The following TTBK2 variants were observed in gnomAD, a reference collection of about 807,000 sequenced individuals.
TTBK2 encodes the protein tau tubulin kinase 2, also known as tau-tubulin kinase 2.
Under a neutral mutation model 110.8 loss-of-function variants are expected in TTBK2, and 28 were observed. The ratio of observed to expected loss-of-function variants is 0.25; its 90% CI spans 0.19 to 0.35. The LOEUF (loss-of-function observed/expected upper bound fraction) is 0.35, where lower values mean the gene tolerates loss of function less well. Ranked by LOEUF, TTBK2 falls within the 10% of genes least tolerant of loss-of-function variation. The probability of loss-of-function intolerance (pLI) is 1.00; values close to 1 mark genes in which losing one functional copy is unlikely to be tolerated. For missense variants in TTBK2, 1,369 were observed against 1,500.3 expected (o/e 0.91, Z 1.45); for synonymous variants, 532 against 527.3 (o/e 1.01, Z -0.12).
intron 9 of TTBK2, chr15:42,800,927 TGCGGCA>T (rs757494340): frequency 5.6e-6 from 4 of 709,426 alleles, no homozygotes; most frequent in Non-Finnish European, 1.0e-5. Flanking sequence ...TCCTAGGCTC[TGCGGCA>T]GCCGCAGGAG....
At chr15:42,810,798 A>G in intron 8 of TTBK2, 59 bp from the exon 9 acceptor site, 1 of 1,600,970 alleles carries the variant, frequency 6.2e-7, no homozygotes, top group African/African-American at 1.3e-5. Context: ...AGGCATTAAG[A>G]GCCCCTCAGT....
At chr15:42,780,574 A>G (rs1204377644) in intron 11 of TTBK2, among the ~76,000 whole-genome samples, 1 of 152,152 alleles carries the variant, frequency 6.6e-6, no homozygotes, top group Non-Finnish European at 1.5e-5. Flanking sequence ...AAGAGAAAAC[A>G]GAAGATGAAA....
intron 4 of TTBK2, among the ~76,000 whole-genome samples, chr15:42,832,585 C>T (rs1344091237): frequency 6.6e-6 from 1 of 152,142 alleles, no homozygotes; most frequent in African/African-American, 2.4e-5. Context: ...TTACTTTATC[C>T]ATGGTTTTAC....
intron 7 of TTBK2, among the ~76,000 whole-genome samples, chr15:42,814,422 A>T (rs1160361602): frequency 6.6e-6 from 1 of 152,054 alleles, no homozygotes; most frequent in Non-Finnish European, 1.5e-5. Flanking sequence ...ATGAAAAATT[A>T]AAAAATTAGC....
At chr15:42,833,801 A>G (rs775383933) in intron 4 of TTBK2, among the ~76,000 whole-genome samples, 1 of 152,112 alleles carries the variant, frequency 6.6e-6, no homozygotes, top group Non-Finnish European at 1.5e-5. Flanking sequence ...CGAGATCAAG[A>G]TATCGAGACC....
At chr15:42,760,971 G>A (rs1374655058) in intron 13 of TTBK2, among the ~76,000 whole-genome samples, 2 of 152,142 alleles carry the variant, frequency 1.3e-5, no homozygotes, top group Non-Finnish European at 2.9e-5. Flanking sequence ...GCATGGTACT[G>A]GCATAAAAAC....
intron 1 of TTBK2, among the ~76,000 whole-genome samples, chr15:42,895,539 A>ATT (rs1019730546): frequency 2.1e-5 from 3 of 142,320 alleles, no homozygotes; most frequent in Admixed American, 7.1e-5. Flanking sequence ...CATCAAAAAG[A>ATT]TTTTTTTTTT....
chr15:42,824,596 A>C (rs1390197944), intron 6 of TTBK2, among the ~76,000 whole-genome samples: 1 of 152,244 alleles, frequency 6.6e-6, no homozygotes, highest in East Asian at 1.9e-4. Flanking sequence ...TTCAATTAAC[A>C]GACCAACTAC....
At chr15:42,889,674 A>G (rs989645208) in intron 1 of TTBK2, among the ~76,000 whole-genome samples, 1 of 152,148 alleles carries the variant, frequency 6.6e-6, no homozygotes, top group African/African-American at 2.4e-5. Flanking sequence ...CAGACCTTGT[A>G]TCTTCCGTTT....
chr15:42,887,033 C>T (rs1236142971), intron 1 of TTBK2, among the ~76,000 whole-genome samples: 2 of 152,164 alleles, frequency 1.3e-5, no homozygotes, highest in African/African-American at 4.8e-5. Context: ...TAAGTCCGTC[C>T]CCTTCTTAAT....
chr15:42,782,462 AT>A (rs1162694751), intron 11 of TTBK2, among the ~76,000 whole-genome samples: 1 of 152,028 alleles, frequency 6.6e-6, no homozygotes, highest in African/African-American at 2.4e-5. Flanking sequence ...ATGCATTTTA[AT>A]TTTTTTAAAT....
At chr15:42,852,567 G>C (rs1391744781) in intron 3 of TTBK2, among the ~76,000 whole-genome samples, 2 of 152,182 alleles carry the variant, frequency 1.3e-5, no homozygotes, top group Admixed American at 6.5e-5. Flanking sequence ...ATATGTACGT[G>C]TGTTTTCAGG....
rs907104063 is a variant in TTBK2 at position 42,743,260 on chromosome 15, A to G, written c.*2535T>C. The G allele has an allele frequency of 6.6e-6, 1 of 152,246 alleles. No homozygotes were observed. Among genetic ancestry groups the G allele is most frequent in the Non-Finnish European group, 1.5e-5 (1 of 68,038 alleles). The allele number at this position is 152,246 out of a possible 1,614,324, so 9.4% of individuals were successfully genotyped here. A position where few individuals can be genotyped will look rare whatever the true frequency, so the allele number is the denominator to read the frequency against. ...GTCAATGCCATTTAGAAAAGGGGACAACACACTAGAAAAGTTGAGATAAAA... is the reference window on the plus strand; with the variant it reads ...GTCAATGCCATTTAGAAAAGGGGACGACACACTAGAAAAGTTGAGATAAAA... On this transcript the variant is annotated 3_prime_UTR_variant, in exon 15 of 15. Coordinates refer to ENST00000267890, the MANE Select transcript of TTBK2 (RefSeq NM_173500.4).
rs531289284 is a variant in TTBK2 at position 42,775,176 on chromosome 15, T to C, written c.1957A>G (p.Thr653Ala). Residue 653 changes from threonine to alanine, a missense_variant, in exon 13 of 15, where the codon ACA becomes GCA. This residue lies in a region of TTBK2 where 1,097 missense variants were observed against 1,114.7 expected (regional missense o/e 0.98). Coordinates refer to ENST00000267890, the MANE Select transcript of TTBK2 (RefSeq NM_173500.4). The stretch of plus-strand genomic sequence containing the variant: ...TCTGCCTGCGCCTCCATTAGACTTG[T>C]GGGCGTCGCTGCAATAAACTGACTA... ...AASQFIAATP[T>A]SLMEAQAEGP... is the part of the protein sequence containing the mutation. 15 of 1,614,130 alleles carry C rather than the reference T, an allele frequency of 9.3e-6. No homozygotes were observed. In the African/African-American group the frequency reaches 1.7e-4, roughly 19 times the overall value.
chr15:42,747,074 C>T (rs2061803384), intron 14 of TTBK2, among the ~76,000 whole-genome samples: 1 of 151,904 alleles, frequency 6.6e-6, no homozygotes, highest in African/African-American at 2.4e-5. Context: ...ATGCAATCCT[C>T]CCACCTCAGC....
chr15:42,858,485 G>A (rs937492406), intron 3 of TTBK2, among the ~76,000 whole-genome samples: 1 of 152,056 alleles, frequency 6.6e-6, no homozygotes, highest in Non-Finnish European at 1.5e-5. Context: ...ATACATGAAT[G>A]TTCATTATAT....
intron 13 of TTBK2, among the ~76,000 whole-genome samples, chr15:42,772,056 A>G (rs1889701662): frequency 1.3e-5 from 2 of 152,190 alleles, no homozygotes; most frequent in Admixed American, 6.5e-5. Flanking sequence ...ATGGTTCCCA[A>G]TGACCCAGAG....
chr15:42,770,167 G>A (rs747909521), intron 13 of TTBK2, among the ~76,000 whole-genome samples: 8 of 152,126 alleles, frequency 5.3e-5, no homozygotes, highest in Non-Finnish European at 1.0e-4. Context: ...GATGGGTGCA[G>A]CACACCAACA....
intron 4 of TTBK2, among the ~76,000 whole-genome samples, chr15:42,837,706 A>C (rs1452352775): frequency 6.6e-6 from 1 of 151,848 alleles, no homozygotes; most frequent in Non-Finnish European, 1.5e-5. Context: ...TGCTTAAGGA[A>C]ATAAAACTAG....
Sources: gnomAD v4.1 joint callset for allele counts (sites outside exome capture counted in the v4.1 genomes callset) on GRCh38, gnomAD v4.1.1 for gene constraint, gnomAD v4.1.1 regional missense constraint, MANE v1.5 for transcripts, NCBI Gene and HGNC (gene_info 2026-07-23, HGNC 2026-07-21) for gene names.